The following TRMT9B variants were observed in gnomAD, a reference collection of about 807,000 sequenced individuals.
TRMT9B encodes probable tRNA methyltransferase 9B.
TRMT9B carries 16 observed loss-of-function variants against 11.5 expected under a neutral mutation model. The ratio of observed to expected loss-of-function variants is 1.39; its 90% CI spans 0.94 to 2.11. The LOEUF (loss-of-function observed/expected upper bound fraction) is 2.11. Among genes scored for constraint, TRMT9B ranks in the 30% most tolerant of loss-of-function variants. TRMT9B has a pLI of 0.00. For synonymous variants in TRMT9B, 274 were observed against 192.4 expected (o/e 1.42, Z -3.51); for missense variants, 941 against 553.8 (o/e 1.70, Z -7.02).
At chr8:12,975,463 A>G (rs773799428) in intron 1 of TRMT9B, among the ~76,000 whole-genome samples, 148 of 152,240 alleles carry the variant, frequency 9.7e-4, no homozygotes, top group Non-Finnish European at 1.0e-3. Flanking sequence ...TAGGGGAGGT[A>G]CAGTAGCTTA....
At chr8:12,986,119 C>T (rs530229915) in intron 1 of TRMT9B, among the ~76,000 whole-genome samples, 30 of 152,152 alleles carry the variant, frequency 2.0e-4, no homozygotes, top group Non-Finnish European at 3.4e-4. Context: ...ATCCCGGCCT[C>T]CCAAAGTGCT....
At chr8:13,008,552 A>C (rs2128892080) in intron 3 of TRMT9B, among the ~76,000 whole-genome samples, 1 of 152,318 alleles carries the variant, frequency 6.6e-6, no homozygotes, top group Non-Finnish European at 1.5e-5. Flanking sequence ...AGGTACATTA[A>C]CTGCAAATAT....
chr8:12,964,625 A>G (rs994021222), intron 1 of TRMT9B, among the ~76,000 whole-genome samples: 1 of 152,104 alleles, frequency 6.6e-6, no homozygotes, highest in Non-Finnish European at 1.5e-5. Context: ...CTCAGGCTGG[A>G]GTGCAGTGGC....
intron 1 of TRMT9B, among the ~76,000 whole-genome samples, chr8:12,978,760 T>G (rs1315317293): frequency 6.6e-6 from 1 of 152,220 alleles, no homozygotes; most frequent in East Asian, 1.9e-4. Flanking sequence ...AGTCCAGGTT[T>G]TGATTTGACA....
intron 1 of TRMT9B, among the ~76,000 whole-genome samples, chr8:12,968,409 C>T (rs1803122351): frequency 6.6e-6 from 1 of 152,128 alleles, no homozygotes; most frequent in Admixed American, 6.5e-5. Flanking sequence ...GGAGACTTTT[C>T]CTTTCATAAA....
intron 1 of TRMT9B, among the ~76,000 whole-genome samples, chr8:12,960,952 C>A: frequency 6.6e-6 from 1 of 152,052 alleles, no homozygotes; most frequent in African/African-American, 2.4e-5. Context: ...ACCATCCTGG[C>A]CAAAGTAGTG....
rs913680456 is a variant in TRMT9B, at chr8:13,024,634, C to G, written c.*2590C>G. On this transcript the variant is annotated 3_prime_UTR_variant, in exon 5 of 5. Transcript: ENST00000524591. ...CAGACTCTTTAGCCTTTGAGCTAAA[C>G]TGTCTGAGCAACCTCTTAGATGTGC... 1.8e-5 allele frequency: 3 copies of G among 167,070 alleles called. No individual in the cohort carries two copies. The East Asian group carries it at 5.8e-4, about 32-fold the overall frequency. The allele number at this position is 167,070 out of a possible 1,614,324, so 10.3% of individuals were successfully genotyped here.
At chr8:13,012,882 A>G in intron 4 of TRMT9B, 25 bp downstream of exon 4, 1 of 1,608,362 alleles carries the variant, frequency 6.2e-7, no homozygotes, top group Non-Finnish European at 8.5e-7. Flanking sequence ...TCACACATTC[A>G]CCCTTTGCCA....
Position 12,991,038 on chromosome 8 carries a change from A to T in TRMT9B, c.-2+7A>T, listed in dbSNP as rs1383290111. ...TAATCACAGGATGACTCAGGTTAGTAGCTTTCAGCGCTTCTGCAACTCACA... is the reference window on the plus strand; with the variant it reads ...TAATCACAGGATGACTCAGGTTAGTTGCTTTCAGCGCTTCTGCAACTCACA... On this transcript the variant is annotated splice_region_variant and intron_variant, in intron 2 of 4. Transcript: ENST00000524591. 1 of 1,212,006 alleles carries T rather than the reference A, an allele frequency of 8.3e-7. No homozygotes were observed. The highest frequency in any genetic ancestry group is 1.6e-5 in the African/African-American group (1 of 63,976). 75.1% of individuals were successfully genotyped at this position (1,212,006 alleles called of 1,614,324 possible).
Position 13,020,385 on chromosome 8 carries a change from G to A in TRMT9B, c.329-623G>A, listed in dbSNP as rs573038075. 8.6e-4 allele frequency among the ~76,000 whole-genome samples: 131 copies of A among 152,176 alleles called. 1 individual carries two copies. Among genetic ancestry groups the A allele is most frequent in the Middle Eastern group, 3.4e-3 (1 of 294 alleles). ...GGCAGTCTTACTTGAAGCTCATTTC[G>A]ACTTTGCAGGAATTGGAAGTAAAAT... On this transcript the variant is annotated intron_variant, in intron 4 of 4. Transcript: ENST00000524591.
At chr8:12,975,967 A>G (rs1320637234) in intron 1 of TRMT9B, among the ~76,000 whole-genome samples, 1 of 152,222 alleles carries the variant, frequency 6.6e-6, no homozygotes, top group Non-Finnish European at 1.5e-5. Flanking sequence ...TCTCAGTTCT[A>G]TATGAGCCAT....
At chr8:12,982,447 A>G (rs1805565556) in intron 1 of TRMT9B, among the ~76,000 whole-genome samples, 1 of 152,186 alleles carries the variant, frequency 6.6e-6, no homozygotes, top group Admixed American at 6.5e-5. Context: ...GGATCACTTG[A>G]GGTCAGGAGT....
At chr8:12,953,874 A>C (rs1033852534) in intron 1 of TRMT9B, among the ~76,000 whole-genome samples, 3 of 152,208 alleles carry the variant, frequency 2.0e-5, no homozygotes, top group African/African-American at 7.2e-5. Context: ...AATTGTGCCA[A>C]AGAACTGCTG....
Position 13,025,424 on chromosome 8 carries a change from G to C in TRMT9B, c.*3380G>C, listed in dbSNP as rs1177230034. 1 of 157,908 alleles carries C rather than the reference G, an allele frequency of 6.3e-6. No individual in the cohort carries two copies. Among genetic ancestry groups the C allele is most frequent in the African/African-American group, 2.4e-5 (1 of 41,460 alleles). 9.8% of individuals were successfully genotyped at this position (157,908 alleles called of 1,614,324 possible). On this transcript the variant is annotated 3_prime_UTR_variant, in exon 5 of 5. Coordinates refer to ENST00000524591, the MANE Select transcript of TRMT9B (RefSeq NM_020844.3). ...CCCAGCTACTTGGGAGGCTGAGGCA[G>C]GAGAATCGCTTGAACCTGGGAGGCG...
At chr8:12,948,906 G>A (rs1434951600) in intron 1 of TRMT9B, among the ~76,000 whole-genome samples, 2 of 152,180 alleles carry the variant, frequency 1.3e-5, no homozygotes, top group Non-Finnish European at 1.5e-5. Flanking sequence ...CTTGCAGTGA[G>A]CCGAGATCGC....
rs1209258801 is a variant in TRMT9B, at chr8:13,023,005, T to C, written c.*961T>C. The C allele has an allele frequency of 6.0e-6, 1 of 166,696 alleles. No individual in the cohort carries two copies. The highest frequency in any genetic ancestry group is 1.5e-5 in the Non-Finnish European group (1 of 68,094). 10.3% of individuals were successfully genotyped at this position (166,696 alleles called of 1,614,324 possible). A position where few individuals can be genotyped will look rare whatever the true frequency, so the allele number is the denominator to read the frequency against. ...CTCAAAATAATAATAATAATAATAA[T>C]AAAGGCGTTGTTAGCTTGTAAGGAG... On this transcript the variant is annotated 3_prime_UTR_variant, in exon 5 of 5. Coordinates refer to ENST00000524591, the MANE Select transcript of TRMT9B (RefSeq NM_020844.3).
chr8:12,982,323 A>G lies in TRMT9B; in HGVS notation c.-199-8511A>G, dbSNP rs1221070265. Among the ~76,000 whole-genome samples, 6 of 152,334 alleles carry G rather than the reference A, an allele frequency of 3.9e-5. No homozygotes were observed. The East Asian group carries it at 1.2e-3, about 29-fold the overall frequency. On this transcript the variant is annotated intron_variant, in intron 1 of 4. Coordinates refer to ENST00000524591, the MANE Select transcript of TRMT9B (RefSeq NM_020844.3). Reference sequence around the variant, plus strand: ...CACCATGAGATCCTTGACAGACCAGATTCTACTATGCTTTGCATACACATG... The same window carrying G: ...CACCATGAGATCCTTGACAGACCAGGTTCTACTATGCTTTGCATACACATG...
chr8:12,999,321 G>GA (rs554434283), intron 2 of TRMT9B, among the ~76,000 whole-genome samples: 43 of 127,062 alleles, frequency 3.4e-4, no homozygotes, highest in East Asian at 2.3e-4. Flanking sequence ...AAAAAGAAAA[G>GA]AAAAAAAAAA....
At chr8:13,014,161 C>A (rs1024010044) in intron 4 of TRMT9B, among the ~76,000 whole-genome samples, 1 of 152,160 alleles carries the variant, frequency 6.6e-6, no homozygotes, top group African/African-American at 2.4e-5. Context: ...AACCTTGGAA[C>A]TAGTAAGGAC....
Sources: allele counts gnomAD v4.1 joint callset (sites outside exome capture counted in the v4.1 genomes callset), GRCh38; gene constraint gnomAD v4.1.1; transcripts MANE v1.5; gene names NCBI Gene and HGNC (gene_info 2026-07-23, HGNC 2026-07-21).